Variants in SGF29 observed in about 807,000 individuals in gnomAD.
SGF29 encodes the protein SAGA complex associated factor 29.
A neutral mutation model predicts 38.1 loss-of-function variants in SGF29; 15 were observed. The ratio of observed to expected loss-of-function variants is 0.39; its 90% CI spans 0.26 to 0.61. The LOEUF is 0.61. SGF29 is among the 20% of genes least tolerant of loss of function. The pLI, the probability that SGF29 is intolerant of heterozygous loss-of-function variation, is 0.49. For missense variants in SGF29, 184 were observed against 394.6 expected (o/e 0.47, Z 4.52); for synonymous variants, 151 against 160.8 (o/e 0.94, Z 0.46).
intron 2 of SGF29, among the ~76,000 whole-genome samples, chr16:28,581,478 C>T (rs1052146291): frequency 6.6e-6 from 1 of 152,118 alleles, no homozygotes; most frequent in African/African-American, 2.4e-5. Context: ...ACATTTTTAA[C>T]ACCCAACAAA....
At chr16:28,572,473 T>C (rs1027852636) in intron 1 of SGF29, among the ~76,000 whole-genome samples, 1 of 151,802 alleles carries the variant, frequency 6.6e-6, no homozygotes, top group Non-Finnish European at 1.5e-5. Flanking sequence ...TTCACCATGT[T>C]GGCCAGGCTG....
At chr16:28,578,944 A>G (rs975152817) in intron 1 of SGF29, among the ~76,000 whole-genome samples, 1 of 152,012 alleles carries the variant, frequency 6.6e-6, no homozygotes, top group African/African-American at 2.4e-5. Context: ...TCTATCTCAA[A>G]AAATAAATAA....
At chr16:28,560,609 C>A (rs868105831) in intron 1 of SGF29, among the ~76,000 whole-genome samples, 18 of 139,906 alleles carry the variant, frequency 1.3e-4, no homozygotes, top group Middle Eastern at 4.8e-3. Context: ...AAAAAAAGAA[C>A]GAAAATTTTA....
chr16:28,586,244 ACTC>A (rs1460240880), intron 4 of SGF29, among the ~76,000 whole-genome samples: 1 of 151,924 alleles, frequency 6.6e-6, no homozygotes, highest in East Asian at 1.9e-4. Flanking sequence ...CTTCCAGAAA[ACTC>A]CTGCTTTTAA....
In SGF29 at chr16:28,590,765, T is replaced by A; in HGVS notation, c.603-8T>A. Reference sequence around the variant, plus strand: ...GCCACAGGTTGATATAAGCCCCTCTTCCCCCAGGAGACACACCCTGAGCCG... The same window carrying A: ...GCCACAGGTTGATATAAGCCCCTCTACCCCCAGGAGACACACCCTGAGCCG... On this transcript the variant is annotated splice_polypyrimidine_tract_variant and splice_region_variant and intron_variant, in intron 8 of 9. Coordinates refer to ENST00000317058, the MANE Select transcript of SGF29 (RefSeq NM_138414.3). This position sits in a 1 kb window ranked among gnomAD's most constrained non-coding sequence, Gnocchi z 8.2. The A allele has an allele frequency of 6.2e-7, 1 of 1,613,702 alleles. No homozygotes were observed. The highest frequency in any genetic ancestry group is 1.1e-5 in the South Asian group (1 of 91,064).
At chr16:28,583,253 T>C (rs2046936962) in intron 2 of SGF29, among the ~76,000 whole-genome samples, 1 of 152,260 alleles carries the variant, frequency 6.6e-6, no homozygotes, top group African/African-American at 2.4e-5. Context: ...TTCTGTTAAC[T>C]CGGCTACTGT....
At chr16:28,555,353 G>A (rs1463809657) in intron 1 of SGF29, among the ~76,000 whole-genome samples, 1 of 152,030 alleles carries the variant, frequency 6.6e-6, no homozygotes, top group East Asian at 1.9e-4. Context: ...GTGCACGCCT[G>A]TAATCCCAGC....
chr16:28,583,963 T>C (rs1028787962), intron 2 of SGF29, among the ~76,000 whole-genome samples: 6 of 152,124 alleles, frequency 3.9e-5, no homozygotes, highest in African/African-American at 1.4e-4. Flanking sequence ...CTGTATAGAT[T>C]GATTTGTCTC....
At chr16:28,555,883 G>A (rs1388725619) in intron 1 of SGF29, among the ~76,000 whole-genome samples, 5 of 152,110 alleles carry the variant, frequency 3.3e-5, no homozygotes, top group African/African-American at 1.2e-4. Context: ...TTTTACTATT[G>A]AATATGCTGA....
At chr16:28,566,143 G>T (rs991777546) in intron 1 of SGF29, among the ~76,000 whole-genome samples, 1 of 151,676 alleles carries the variant, frequency 6.6e-6, no homozygotes, top group Non-Finnish European at 1.5e-5. Context: ...GCGTGGTGGC[G>T]GGCGCCTGTA....
intron 4 of SGF29, among the ~76,000 whole-genome samples, chr16:28,587,538 G>C (rs1444680488): frequency 1.3e-5 from 2 of 152,204 alleles, no homozygotes; most frequent in Admixed American, 6.5e-5. Context: ...TCCCTGCGTT[G>C]GTTTGGCTGC....
chr16:28,581,208 G>A, intron 2 of SGF29, 64 bp downstream of exon 2: 2 of 1,469,652 alleles, frequency 1.4e-6, no homozygotes, highest in Non-Finnish European at 1.9e-6. Context: ...GCCGTGAAGT[G>A]GGGGTGGCAT....
chr16:28,568,177 G>A (rs1248860493), intron 1 of SGF29, among the ~76,000 whole-genome samples: 4 of 151,820 alleles, frequency 2.6e-5, no homozygotes, highest in Non-Finnish European at 5.9e-5. Flanking sequence ...GCCAGGCATG[G>A]TGGTCGGCGC....
intron 1 of SGF29, among the ~76,000 whole-genome samples, chr16:28,555,598 T>C (rs971931633): frequency 7.9e-5 from 12 of 152,190 alleles, no homozygotes; most frequent in Non-Finnish European, 1.5e-4. Flanking sequence ...ATGGATTGGG[T>C]GACACTATTA....
At chr16:28,577,214 CAGAA>C (rs1351882378) in intron 1 of SGF29, among the ~76,000 whole-genome samples, 1 of 151,810 alleles carries the variant, frequency 6.6e-6, no homozygotes, top group Non-Finnish European at 1.5e-5. Flanking sequence ...TCTAAAGAGA[CAGAA>C]AGTAAATTAA....
At chr16:28,557,385 G>A (rs142955241) in intron 1 of SGF29, among the ~76,000 whole-genome samples, 5 of 152,300 alleles carry the variant, frequency 3.3e-5, no homozygotes, top group Admixed American at 1.3e-4. Flanking sequence ...GGAGGGTGGC[G>A]TGCCCAGGGT....
intron 4 of SGF29, among the ~76,000 whole-genome samples, chr16:28,586,342 C>T (rs1220392163): frequency 3.3e-5 from 5 of 151,912 alleles, no homozygotes; most frequent in Admixed American, 2.6e-4. Flanking sequence ...GGTTTGAGAC[C>T]AGCCTGGCTA....
intron 1 of SGF29, among the ~76,000 whole-genome samples, chr16:28,563,741 G>C (rs2046803914): frequency 1.1e-5 from 1 of 90,390 alleles, no homozygotes; most frequent in South Asian, 3.4e-4. Context: ...TTTTTTTTGA[G>C]ACAGAGTCTT....
chr16:28,557,845 G>T (rs1249089004), intron 1 of SGF29, among the ~76,000 whole-genome samples: 1 of 151,918 alleles, frequency 6.6e-6, no homozygotes, highest in Non-Finnish European at 1.5e-5. Flanking sequence ...CAGCAGAGGA[G>T]AAAGTTTTGT....
Sources: gnomAD v4.1 joint callset for allele counts (sites outside exome capture counted in the v4.1 genomes callset) on GRCh38, gnomAD v4.1.1 for gene constraint, Gnocchi (gnomAD v3.1) non-coding constraint, MANE v1.5 for transcripts, NCBI Gene and HGNC (gene_info 2026-07-23, HGNC 2026-07-21) for gene names.